The following CHD6 variants were observed in gnomAD, a reference collection of about 807,000 sequenced individuals.
CHD6 encodes chromodomain helicase DNA binding protein 6.
In CHD6, 50 loss-of-function variants were observed where a neutral mutation model predicts 276.9. The observed-to-expected ratio is 0.18, with a 90% CI of 0.14 to 0.23. The LOEUF (loss-of-function observed/expected upper bound fraction) is 0.23. Among genes scored for constraint, CHD6 ranks in the 10% least tolerant of loss-of-function variants. The pLI is 1.00. For synonymous variants in CHD6, 1,173 were observed against 1,229.3 expected, an observed-to-expected ratio of 0.95 and a Z score of 0.96; for missense variants, 2,564 against 3,365.8, an observed-to-expected ratio of 0.76 and a Z score of 5.89.
intron 1 of CHD6, among the ~76,000 whole-genome samples, chr20:41,580,982 A>G: frequency 6.6e-6 from 1 of 152,206 alleles, no homozygotes; most frequent in Admixed American, 6.5e-5. Flanking sequence ...TAATATTCCA[A>G]GCAAAGGTGG....
At chr20:41,454,130 G>A (rs1372213569) in intron 20 of CHD6, among the ~76,000 whole-genome samples, 1 of 152,160 alleles carries the variant, frequency 6.6e-6, no homozygotes, top group South Asian at 2.1e-4. Flanking sequence ...ATCTCAGCGG[G>A]GGTCAAAAGC....
chr20:41,448,834 G>T (rs771976530), intron 23 of CHD6, among the ~76,000 whole-genome samples: 15 of 152,000 alleles, frequency 9.9e-5, no homozygotes, highest in Non-Finnish European at 1.9e-4. Flanking sequence ...AGATTGGAAA[G>T]AACCCTTATT....
At chr20:41,417,630 T>C (rs2047043641) in intron 31 of CHD6, among the ~76,000 whole-genome samples, 1 of 152,188 alleles carries the variant, frequency 6.6e-6, no homozygotes, top group Non-Finnish European at 1.5e-5. Context: ...TTTTCTTGTG[T>C]ATCCAAGAGT....
At chr20:41,603,051 A>G (rs1036514002) in intron 1 of CHD6, among the ~76,000 whole-genome samples, 6 of 152,282 alleles carry the variant, frequency 3.9e-5, no homozygotes, top group Admixed American at 3.9e-4. Flanking sequence ...TAAATACTGA[A>G]TATTAAAATA....
rs1487106503 is a variant in CHD6 at position 41,555,052 on chromosome 20, T to TG, written c.-23-3693dup. On this transcript the variant is annotated intron_variant, in intron 1 of 36. Coordinates refer to ENST00000373233, the MANE Select transcript of CHD6 (RefSeq NM_032221.5). ...CTCCCGGACGGGGCGGCTGGCCGGG[T>TG]GGGGGGCTGATTCCCCCACCTCCCT... Among the ~76,000 whole-genome samples the TG allele has an allele frequency of 6.4e-4, 70 of 109,298 alleles. 1 individual carries two copies. The highest frequency in any genetic ancestry group is 2.2e-3 in the African/African-American group (63 of 28,966). 71.7% of individuals were successfully genotyped at this position (109,298 alleles called of 152,430 possible).
At chr20:41,482,726 C>T (rs1488152055) in intron 16 of CHD6, among the ~76,000 whole-genome samples, 1 of 152,056 alleles carries the variant, frequency 6.6e-6, no homozygotes, top group Non-Finnish European at 1.5e-5. Flanking sequence ...TCCAAATAAC[C>T]CACACAGCAC....
Position 41,420,718 on chromosome 20 carries a change from T to C in CHD6, c.5917A>G (p.Asn1973Asp). ...YIPDLFKSKT[N>D]TIAMEGEPTA... ...GGTTCACCCTCCATGGCGATAGTAT[T>C]GGTTTTACTTTTGAACAGATCTGGG... The change falls in exon 31 of 37, where the codon AAT becomes GAT. Residue 1973 changes from asparagine (N) to aspartate (D), a missense_variant. Physicochemically the swap from Asn to Asp is conservative, Grantham distance 23 (BLOSUM62 1). Coordinates refer to ENST00000373233, the MANE Select transcript of CHD6 (RefSeq NM_032221.5). 6.2e-7 allele frequency: 1 copy of C among 1,614,250 alleles called. No individual in the cohort carries two copies. The highest frequency in any genetic ancestry group is 8.5e-7 in the Non-Finnish European group (1 of 1,180,044).
At chr20:41,497,959 G>C in intron 7 of CHD6, 1 of 543,622 alleles carries the variant, frequency 1.8e-6, no homozygotes, top group East Asian at 3.3e-5. Flanking sequence ...TGGAGCAAAG[G>C]CTTTAGAGGT....
At chr20:41,548,090 T>C (rs943666765) in intron 2 of CHD6, among the ~76,000 whole-genome samples, 1 of 152,206 alleles carries the variant, frequency 6.6e-6, no homozygotes, top group African/African-American at 2.4e-5. Flanking sequence ...CACTGAATTC[T>C]CCATCCTGGA....
chr20:41,591,379 TACAC>T (rs201725894), intron 1 of CHD6, among the ~76,000 whole-genome samples: 30,525 of 143,884 alleles, frequency 0.21, 3,386 homozygotes, highest in African/African-American at 0.28. Context: ...TATATATATA[TACAC>T]ACACACACAC....
At chr20:41,503,711 T>C (rs1039190716) in intron 5 of CHD6, among the ~76,000 whole-genome samples, 1 of 152,134 alleles carries the variant, frequency 6.6e-6, no homozygotes, top group Non-Finnish European at 1.5e-5. Context: ...TTAGGAATTT[T>C]TGGTCATTAG....
chr20:41,592,454 A>G (rs927067625), intron 1 of CHD6, among the ~76,000 whole-genome samples: 2 of 152,244 alleles, frequency 1.3e-5, no homozygotes, highest in Non-Finnish European at 2.9e-5. Flanking sequence ...TTCCTCAAAA[A>G]TAAGTAAAAT....
intron 3 of CHD6, among the ~76,000 whole-genome samples, chr20:41,530,709 A>G (rs552845124): frequency 6.6e-6 from 1 of 152,376 alleles, no homozygotes; most frequent in Admixed American, 6.5e-5. Flanking sequence ...TAACCAGTCC[A>G]GAACCCTGGA....
intron 1 of CHD6, among the ~76,000 whole-genome samples, chr20:41,581,351 T>C (rs756025320): frequency 5.3e-5 from 8 of 152,268 alleles, no homozygotes; most frequent in East Asian, 3.9e-4. Flanking sequence ...CATTCTTAGC[T>C]GCACATGATA....
intron 1 of CHD6, among the ~76,000 whole-genome samples, chr20:41,580,619 C>A: frequency 7.6e-6 from 1 of 131,748 alleles, no homozygotes; most frequent in African/African-American, 3.1e-5. Flanking sequence ...GTGATTATGC[C>A]TGGGTGACAC....
intron 36 of CHD6, among the ~76,000 whole-genome samples, chr20:41,408,210 G>A (rs987891031): frequency 5.7e-5 from 6 of 106,012 alleles, no homozygotes; most frequent in African/African-American, 1.1e-4. Flanking sequence ...AGTCCCCTTC[G>A]TTTTCACAAG....
chr20:41,588,933 A>G (rs553592842), intron 1 of CHD6, among the ~76,000 whole-genome samples: 60 of 152,340 alleles, frequency 3.9e-4, no homozygotes, highest in African/African-American at 1.4e-3. Context: ...ATTTTAGACC[A>G]ATATCCCTGA....
At position 41,403,802 on chromosome 20, in the gene CHD6, C is replaced by T. The variant is rs2046593870; in HGVS notation, c.*791G>A. 1.9e-6 allele frequency: 2 copies of T among 1,057,958 alleles called. No individual in the cohort carries two copies. Among genetic ancestry groups the T allele is most frequent in the African/African-American group, 1.7e-5 (1 of 60,606 alleles). 65.5% of individuals were successfully genotyped at this position (1,057,958 alleles called of 1,614,324 possible). ...CGCTAGCCGTGTGCTTGTGAAGCAG[C>T]GTGTAGCTCTACGGAGCGCGGGTCC... On this transcript the variant is annotated 3_prime_UTR_variant, in exon 37 of 37. Coordinates refer to ENST00000373233, the MANE Select transcript of CHD6 (RefSeq NM_032221.5).
intron 36 of CHD6, among the ~76,000 whole-genome samples, chr20:41,408,211 T>C: frequency 1.3e-5 from 2 of 150,496 alleles, no homozygotes; most frequent in East Asian, 2.0e-4. Context: ...GTCCCCTTCG[T>C]TTTCACAAGC....
Sources: allele counts gnomAD v4.1 joint callset (sites outside exome capture counted in the v4.1 genomes callset), GRCh38; gene constraint gnomAD v4.1.1; transcripts MANE v1.5; gene names NCBI Gene and HGNC (gene_info 2026-07-23, HGNC 2026-07-21).